DMD: variants seen among roughly 807,000 people sequenced by gnomAD.
The protein encoded by DMD is dystrophin.
A neutral mutation model predicts 330.1 loss-of-function variants in DMD; 63 were observed. The observed-to-expected ratio is 0.19, with a 90% CI of 0.16 to 0.24. The LOEUF is 0.24. Among genes scored for constraint, DMD ranks in the 10% least tolerant of loss-of-function variants. The pLI, the probability that DMD is intolerant of heterozygous loss-of-function variation, is 1.00. For missense variants in DMD, 3,344 were observed against 2,684.1 expected, an observed-to-expected ratio of 1.25 and a Z score of -5.43; for synonymous variants, 1,223 against 959.8, an observed-to-expected ratio of 1.27 and a Z score of -5.07.
At position 31,896,912 on chromosome X, in the gene DMD, TTTTC is replaced by T. The variant is rs1218783537; in HGVS notation, c.6913-21543_6913-21540del. On this transcript the variant is annotated intron_variant, in intron 47 of 78. Coordinates refer to ENST00000357033, the MANE Select transcript of DMD (RefSeq NM_004006.3). ...ACAACATTTTACAATTTCTTTGCTT[TTTTC>T]TTTTTTTTTTCTTTTATTATTGTAC... Among the ~76,000 whole-genome samples the T allele has an allele frequency of 4.5e-5, 5 of 111,117 alleles. No individual in the cohort carries two copies. The East Asian group carries it at 1.4e-3, about 31-fold the overall frequency.
At chrX:31,147,942 A>G (rs1264880475) in intron 74 of DMD, among the ~76,000 whole-genome samples, 2 of 112,011 alleles carry the variant, frequency 1.8e-5, no homozygotes, top group Non-Finnish European at 3.8e-5. Context: ...AGAAATGTAT[A>G]AGAATGGAGT....
At chrX:31,707,532 C>T (rs141752084) in intron 52 of DMD, among the ~76,000 whole-genome samples, 5 of 110,504 alleles carry the variant, frequency 4.5e-5, no homozygotes, top group Non-Finnish European at 7.6e-5. Flanking sequence ...ACTAACATGG[C>T]GATGGGATCC....
At chrX:32,493,130 C>A (rs1401419890) in intron 19 of DMD, among the ~76,000 whole-genome samples, 1 of 111,346 alleles carries the variant, frequency 9.0e-6, no homozygotes, top group Non-Finnish European at 1.9e-5. Flanking sequence ...TTTTTAAAGA[C>A]TAAAAAAAAT....
chrX:32,448,650 A>T lies in DMD; in HGVS notation c.3604-12T>A, dbSNP rs183613970. The stretch of plus-strand genomic sequence containing the variant: ...TCTTCTTTAGCTCTCTGAAAAATAA[A>T]GAATGCTCTCTTAATAGCATGAAAA... On this transcript the variant is annotated splice_polypyrimidine_tract_variant and intron_variant, in intron 26 of 78. Transcript: ENST00000357033. 221 of 1,192,129 alleles carry T rather than the reference A, an allele frequency of 1.9e-4. 1 individual carries two copies. The African/African-American group carries it at 3.8e-3, about 20-fold the overall frequency.
intron 34 of DMD, among the ~76,000 whole-genome samples, chrX:32,376,400 C>A (rs924530382): frequency 8.9e-6 from 1 of 111,852 alleles, no homozygotes; most frequent in Non-Finnish European, 1.9e-5. Context: ...TTAAGTATTG[C>A]TCACACAATG....
rs767565895 is a variant in DMD at position 32,543,209 on chromosome X, G to A, written c.2168+1950C>T. Among the ~76,000 whole-genome samples, 4 of 111,183 alleles carry A rather than the reference G, an allele frequency of 3.6e-5. No homozygotes were observed. In the East Asian group the frequency reaches 1.1e-3, roughly 31 times the overall value. ...AAGAATCTTTCTGTATGTGCCCAAT[G>A]GGACTTCTCATTTAGGCACATACAA... On this transcript the variant is annotated intron_variant, in intron 17 of 78. Coordinates refer to ENST00000357033, the MANE Select transcript of DMD (RefSeq NM_004006.3).
At chrX:32,355,119 AC>A (rs755434789) in intron 37 of DMD, among the ~76,000 whole-genome samples, 2 of 110,944 alleles carry the variant, frequency 1.8e-5, no homozygotes, top group Non-Finnish European at 3.8e-5. Flanking sequence ...CCTCCCTACC[AC>A]CTTTTGTTCT....
At position 32,463,500 on chromosome X, in the gene DMD, G is replaced by A. The variant is rs1256772465; in HGVS notation, c.3371C>T (p.Ala1124Val). The A allele has an allele frequency of 8.3e-7, 1 of 1,206,023 alleles. No individual in the cohort carries two copies. Among genetic ancestry groups the A allele is most frequent in the Non-Finnish European group, 1.1e-6 (1 of 892,305 alleles). The part of the protein sequence containing the change: ...KIKNEAEPEF[A>V]SRLETELKEL... ...TTTGAGTTCTGTCTCAAGTCTCGAA[G>A]CAAACTCTGGCTCTGCTTCATTCTT... is the stretch of plus-strand genomic sequence containing the variant. The change falls in exon 25 of 79, where the codon GCT (alanine) becomes GTT (valine). Residue 1124 changes from alanine to valine, a missense_variant. Ala to Val is a moderately conservative substitution (Grantham distance 64, BLOSUM62 0). Coordinates refer to ENST00000357033, the MANE Select transcript of DMD (RefSeq NM_004006.3).
intron 9 of DMD, among the ~76,000 whole-genome samples, chrX:32,688,103 C>T (rs1445633287): frequency 8.9e-6 from 1 of 111,736 alleles, no homozygotes; most frequent in East Asian, 2.8e-4. Flanking sequence ...ACAAATAAGC[C>T]GCCCTGACCT....
intron 7 of DMD, among the ~76,000 whole-genome samples, chrX:32,750,552 G>A (rs1184127589): frequency 1.8e-5 from 2 of 111,042 alleles, no homozygotes; most frequent in African/African-American, 6.6e-5. Flanking sequence ...CCACAGAGAA[G>A]TGCATATGAC....
At chrX:32,274,923 T>C (rs2097379685) in intron 43 of DMD, among the ~76,000 whole-genome samples, 1 of 112,050 alleles carries the variant, frequency 8.9e-6, no homozygotes, top group South Asian at 3.7e-4. Flanking sequence ...AGTTTAAAGC[T>C]TTGCCTCTGG....
At chrX:31,546,482 T>C (rs2147696037) in intron 55 of DMD, among the ~76,000 whole-genome samples, 1 of 112,369 alleles carries the variant, frequency 8.9e-6, no homozygotes, top group East Asian at 2.8e-4. Flanking sequence ...TGCTTCTTTC[T>C]AAATAAAGCC....
chrX:32,686,559 C>CAAAAAAAAAAAAAAA (rs750534167), intron 9 of DMD, among the ~76,000 whole-genome samples: 106 of 28,399 alleles, frequency 3.7e-3, no homozygotes, highest in Admixed American at 3.8e-3. Flanking sequence ...AACTCCATCT[C>CAAAAAAAAAAAAAAA]AAAAAAAAAA....
At chrX:33,009,622 ATGTGTG>A (rs1247409746) in intron 2 of DMD, among the ~76,000 whole-genome samples, 2 of 59,155 alleles carry the variant, frequency 3.4e-5, no homozygotes, top group Admixed American at 1.7e-4. Context: ...ATATGTGTGT[ATGTGTG>A]TATGTGTATA....
chrX:32,318,893 G>A (rs1050535141), intron 41 of DMD, among the ~76,000 whole-genome samples: 2 of 111,079 alleles, frequency 1.8e-5, no homozygotes, highest in African/African-American at 3.3e-5. Flanking sequence ...GCTTCTAGAA[G>A]GCCAGGTATA....
chrX:32,401,369 A>G (rs1471312804), intron 30 of DMD, among the ~76,000 whole-genome samples: 1 of 112,187 alleles, frequency 8.9e-6, no homozygotes, highest in Non-Finnish European at 1.9e-5. Context: ...TACACAATAC[A>G]GTACTATTCA....
At position 32,033,653 on chromosome X, in the gene DMD, G is replaced by GAAGA. The variant is rs1557081473; in HGVS notation, c.6439-65143_6439-65140dup. Among the ~76,000 whole-genome samples, 119 of 59,066 alleles carry GAAGA rather than the reference G, an allele frequency of 2.0e-3. 1 individual carries two copies. Among genetic ancestry groups the GAAGA allele is most frequent in the African/African-American group, 6.9e-3 (98 of 14,247 alleles). 51.3% of individuals were successfully genotyped at this position (59,066 alleles called of 115,157 possible). A position where few individuals can be genotyped will look rare whatever the true frequency, so the allele number is the denominator to read the frequency against. ...AGAAAGAAAGAAAGAAAGAAAGAAA[G>GAAGA]AAGAAAGAAAGAAAGAAAGGAAGGA... On this transcript the variant is annotated intron_variant, in intron 44 of 78. Coordinates refer to ENST00000357033, the MANE Select transcript of DMD (RefSeq NM_004006.3).
chrX:32,109,192 G>A (rs751901847), intron 44 of DMD, among the ~76,000 whole-genome samples: 34 of 111,161 alleles, frequency 3.1e-4, no homozygotes, highest in Non-Finnish European at 5.3e-4. Context: ...TTTTTGGAAT[G>A]CTCTCTCTCT....
chrX:33,295,912 G>A (rs751903206), intron 1 of DMD, among the ~76,000 whole-genome samples: 25 of 111,538 alleles, frequency 2.2e-4, no homozygotes, highest in South Asian at 1.5e-3. Context: ...TCTATCAACC[G>A]TATGACAAGA....
Sources: gnomAD v4.1 joint callset for allele counts (sites outside exome capture counted in the v4.1 genomes callset) on GRCh38, gnomAD v4.1.1 for gene constraint, MANE v1.5 for transcripts, NCBI Gene and HGNC (gene_info 2026-07-23, HGNC 2026-07-21) for gene names.